SLC22A3: variants seen among roughly 807,000 people sequenced by gnomAD.
SLC22A3 encodes EMT organic cation transporter 3.
SLC22A3 carries 51 observed loss-of-function variants against 59.1 expected under a neutral mutation model. The ratio of observed to expected loss-of-function variants is 0.86; its 90% CI spans 0.69 to 1.09. The LOEUF is 1.09. Ranked by LOEUF, SLC22A3 falls within the 50% of genes least tolerant of loss-of-function variation. SLC22A3 has a pLI of 0.00. For synonymous variants in SLC22A3, 325 were observed against 292.0 expected, an observed-to-expected ratio of 1.11 and a Z score of -1.15; for missense variants, 711 against 726.3, an observed-to-expected ratio of 0.98 and a Z score of 0.24.
rs146857760 is a variant in SLC22A3, at chr6:160,380,772, T to C, written c.430-17207T>C. On this transcript the variant is annotated intron_variant, in intron 1 of 10. Transcript: ENST00000275300. ...TGACATAGAATGATAACGTAGTAAA[T>C]CATAGTTTCTGAACCAAAAAACAGG... Among the ~76,000 whole-genome samples, 245 of 152,298 alleles carry C rather than the reference T, an allele frequency of 1.6e-3. 2 individuals carry two copies. The Middle Eastern group carries it at 0.02, about 13-fold the overall frequency.
chr6:160,389,934 GA>G (rs1258954680), intron 1 of SLC22A3, among the ~76,000 whole-genome samples: 1 of 152,190 alleles, frequency 6.6e-6, no homozygotes, highest in Admixed American at 6.5e-5. Context: ...CCTTGGGTGG[GA>G]TTCTGTGTGG....
intron 1 of SLC22A3, among the ~76,000 whole-genome samples, chr6:160,364,285 C>CCTAT (rs1785127113): frequency 1.3e-5 from 2 of 152,186 alleles, no homozygotes; most frequent in Admixed American, 6.5e-5. Flanking sequence ...AGACTGGCTG[C>CCTAT]ATAGGGGCCC....
intron 1 of SLC22A3, among the ~76,000 whole-genome samples, chr6:160,366,939 AC>A (rs1175353551): frequency 6.6e-6 from 1 of 152,126 alleles, no homozygotes; most frequent in Non-Finnish European, 1.5e-5. Context: ...GAAGTTCCAA[AC>A]TTTTCCACAT....
chr6:160,431,329 A>T (rs571016652), intron 5 of SLC22A3, among the ~76,000 whole-genome samples: 1 of 152,184 alleles, frequency 6.6e-6, no homozygotes, highest in African/African-American at 2.4e-5. Context: ...TCCTGGATGA[A>T]TTCCATCCAA....
chr6:160,391,243 G>T (rs2114817560), intron 1 of SLC22A3, among the ~76,000 whole-genome samples: 1 of 152,222 alleles, frequency 6.6e-6, no homozygotes, highest in African/African-American at 2.4e-5. Flanking sequence ...CTATCTTCCA[G>T]CAGGTAAATA....
intron 5 of SLC22A3, among the ~76,000 whole-genome samples, chr6:160,429,688 G>C (rs769144436): frequency 6.6e-6 from 1 of 152,092 alleles, no homozygotes; most frequent in Non-Finnish European, 1.5e-5. Context: ...CTGACTTGTG[G>C]GTCATACTTT....
In SLC22A3 at chr6:160,408,771, C is replaced by A; in HGVS notation, c.707C>A (p.Ser236Ter). 1 of 1,613,432 alleles carries A rather than the reference C, an allele frequency of 6.2e-7. No homozygotes were observed. Among genetic ancestry groups the A allele is most frequent in the East Asian group, 2.2e-5 (1 of 44,856 alleles). Reference protein sequence around the residue: ...CYVIVTEIVGSKQRRIVGIVI... With the variant: ...CYVIVTEIVG ...CCTTTAGTGACAGAAATAGTAGGTT[C>A]GAAACAAAGGAGGATTGTGGGAATC... The change falls in exon 4 of 11, where the codon TCG becomes TAG. Residue 236 changes from serine to a stop codon, truncating the protein, a stop_gained. Transcript: ENST00000275300. LOFTEE classifies it high-confidence loss of function.
At chr6:160,435,478 C>T (rs1172360074) in intron 5 of SLC22A3, among the ~76,000 whole-genome samples, 1 of 152,058 alleles carries the variant, frequency 6.6e-6, no homozygotes, top group Non-Finnish European at 1.5e-5. Flanking sequence ...AGAAAGTGAC[C>T]AAAGGCATTC....
At position 160,412,199 on chromosome 6, in the gene SLC22A3, T is replaced by TA. The variant is rs111616040; in HGVS notation, c.975+1359dup. On this transcript the variant is annotated intron_variant, in intron 5 of 10. Coordinates refer to ENST00000275300, the MANE Select transcript of SLC22A3 (RefSeq NM_021977.4). ...CAACATGGTGAAACCCCATCTCTAC[T>TA]AAAAAATAGAAAAATTAGCGAGGAG... 6.3e-3 allele frequency among the ~76,000 whole-genome samples: 954 copies of TA among 152,116 alleles called. 12 individuals are homozygous for TA. Among genetic ancestry groups the TA allele is most frequent in the Middle Eastern group, 0.037 (11 of 294 alleles).
chr6:160,394,159 C>A (rs1210407093), intron 1 of SLC22A3, among the ~76,000 whole-genome samples: 1 of 152,136 alleles, frequency 6.6e-6, no homozygotes, highest in African/African-American at 2.4e-5. Context: ...ATAGGAGATG[C>A]CCCAGTTGTT....
rs181548959 is a variant in SLC22A3 at position 160,406,924 on chromosome 6, A to C, written c.534-117A>C. 5.1e-4 allele frequency: 612 copies of C among 1,189,782 alleles called. 3 individuals carry two copies. The African/African-American group carries it at 7.9e-3, about 15-fold the overall frequency. 73.7% of individuals were successfully genotyped at this position (1,189,782 alleles called of 1,614,324 possible). On this transcript the variant is annotated intron_variant, in intron 2 of 10. Coordinates refer to ENST00000275300, the MANE Select transcript of SLC22A3 (RefSeq NM_021977.4). Reference sequence around the variant, plus strand: ...TGTCTCTACAAAACATCTTTAAAATAAAATGATATAATGTAATACAGTATA... The same window carrying C: ...TGTCTCTACAAAACATCTTTAAAATCAAATGATATAATGTAATACAGTATA...
intron 5 of SLC22A3, among the ~76,000 whole-genome samples, chr6:160,413,277 G>T (rs1004796251): frequency 6.6e-6 from 1 of 152,212 alleles, no homozygotes; most frequent in Non-Finnish European, 1.5e-5. Flanking sequence ...GCACCGTAGA[G>T]ATCATGACAA....
At chr6:160,349,180 T>A in intron 1 of SLC22A3, 5 of 631,820 alleles carry the variant, frequency 7.9e-6, no homozygotes, top group Non-Finnish European at 9.9e-6. Context: ...GTTCCTTATC[T>A]TTGAGGTGTG....
At chr6:160,420,043 G>A (rs62440427) in intron 5 of SLC22A3, among the ~76,000 whole-genome samples, 2,103 of 152,214 alleles carry the variant, frequency 0.014, 33 homozygotes, top group Middle Eastern at 0.027. Context: ...CCAGTAAACA[G>A]TTCCATCCAC....
At chr6:160,369,534 T>C (rs1583452053) in intron 1 of SLC22A3, among the ~76,000 whole-genome samples, 1 of 152,180 alleles carries the variant, frequency 6.6e-6, no homozygotes, top group Non-Finnish European at 1.5e-5. Context: ...TTTTTGTGGG[T>C]CTTTTAGAAT....
At chr6:160,356,499 G>C (rs1055632601) in intron 1 of SLC22A3, among the ~76,000 whole-genome samples, 2 of 152,234 alleles carry the variant, frequency 1.3e-5, no homozygotes, top group Admixed American at 1.3e-4. Flanking sequence ...ACAGTAGTCT[G>C]TGTCATCAAT....
chr6:160,351,432 T>C (rs1025771843), intron 1 of SLC22A3, among the ~76,000 whole-genome samples: 2 of 152,234 alleles, frequency 1.3e-5, no homozygotes, highest in Admixed American at 1.3e-4. Context: ...AAATTCCAAA[T>C]AGTTTTGTGC....
In SLC22A3 at chr6:160,392,889, G is replaced by GATTATTATTATTATTATT. The variant is rs745447046; in HGVS notation, c.430-5083_430-5066dup. On this transcript the variant is annotated intron_variant, in intron 1 of 10. Transcript: ENST00000275300. Reference sequence around the variant, plus strand: ...GCACACCACACCTGACAGTATCAGTGATTATTATTATTATTATTATTATTT... The same window carrying GATTATTATTATTATTATT: ...GCACACCACACCTGACAGTATCAGTGATTATTATTATTATTATTATTATTATTATTATTATTATTATTT... Among the ~76,000 whole-genome samples, 522 of 151,296 alleles carry GATTATTATTATTATTATT rather than the reference G, an allele frequency of 3.5e-3. 1 individual carries two copies. Among genetic ancestry groups the GATTATTATTATTATTATT allele is most frequent in the Middle Eastern group, 0.031 (9 of 290 alleles).
intron 1 of SLC22A3, among the ~76,000 whole-genome samples, chr6:160,390,367 T>TC (rs1786206432): frequency 1.3e-5 from 2 of 152,070 alleles, no homozygotes; most frequent in South Asian, 4.1e-4. Flanking sequence ...CTGGCCTCAT[T>TC]CCCCAGGGAG....
Sources: gnomAD v4.1 joint callset for allele counts (sites outside exome capture counted in the v4.1 genomes callset) on GRCh38, gnomAD v4.1.1 for gene constraint, MANE v1.5 for transcripts, NCBI Gene and HGNC (gene_info 2026-07-23, HGNC 2026-07-21) for gene names.